The following CEP57 variants were observed in gnomAD, a reference collection of about 807,000 sequenced individuals.
The protein encoded by CEP57 is centrosomal protein of 57 kDa.
A neutral mutation model predicts 68.0 loss-of-function variants in CEP57; 40 were observed. That is an observed-to-expected ratio of 0.59 (90% CI 0.46 to 0.77). The LOEUF (loss-of-function observed/expected upper bound fraction) is 0.77. Ranked by LOEUF, CEP57 falls within the 30% of genes least tolerant of loss-of-function variation. The pLI, the probability that CEP57 is intolerant of heterozygous loss-of-function variation, is 0.00. For synonymous variants in CEP57, 219 were observed against 198.7 expected (o/e 1.10, Z -0.86); for missense variants, 606 against 580.7 (o/e 1.04, Z -0.45).
intron 6 of CEP57, among the ~76,000 whole-genome samples, chr11:95,819,943 T>C (rs1284759496): frequency 1.3e-5 from 2 of 152,256 alleles, no homozygotes; most frequent in African/African-American, 2.4e-5. Context: ...CTGAGTTATA[T>C]AGCCACATGG....
chr11:95,822,381 C>G (rs1590952300), intron 7 of CEP57, 118 bp from the exon 8 acceptor site: 1 of 758,542 alleles, frequency 1.3e-6, no homozygotes, highest in South Asian at 1.5e-5. Context: ...ATAATGCCAA[C>G]TATAGATAAG....
chr11:95,792,901 A>G (rs2135234768), intron 1 of CEP57, among the ~76,000 whole-genome samples: 1 of 151,344 alleles, frequency 6.6e-6, no homozygotes, highest in South Asian at 2.1e-4. Context: ...CAAACAGCTG[A>G]TCTTAACAGT....
intron 2 of CEP57, among the ~76,000 whole-genome samples, chr11:95,805,934 CAT>C (rs1448025068): frequency 9.2e-5 from 14 of 152,164 alleles, no homozygotes; most frequent in African/African-American, 3.4e-4. Context: ...CAAATGTAAA[CAT>C]ATGAAACTGT....
intron 10 of CEP57, 40 bp downstream of exon 10, chr11:95,829,371 GAAA>G: frequency 4.2e-6 from 6 of 1,434,076 alleles, no homozygotes; most frequent in Non-Finnish European, 5.7e-6. Flanking sequence ...TAATGATTAA[GAAA>G]AAAAAAACAC....
At chr11:95,813,371 T>C in intron 3 of CEP57, 97 bp from the exon 4 acceptor site, 2 of 1,459,900 alleles carry the variant, frequency 1.4e-6, no homozygotes, top group Non-Finnish European at 1.9e-6. Context: ...GGAAGGTGTT[T>C]TTATTGTATA....
intron 5 of CEP57, 79 bp from the exon 6 acceptor site, chr11:95,818,748 G>T: frequency 9.3e-7 from 1 of 1,073,180 alleles, no homozygotes; most frequent in Non-Finnish European, 1.4e-6. Flanking sequence ...AAATTTACAT[G>T]TTCCAGTGCT....
intron 4 of CEP57, chr11:95,815,015 A>C (rs1210598769): frequency 1.3e-5 from 2 of 152,242 alleles, no homozygotes; most frequent in Admixed American, 1.3e-4. Flanking sequence ...TAGTTGCTGT[A>C]CTATATTGTT....
At chr11:95,804,653 T>G (rs1861717367) in intron 2 of CEP57, among the ~76,000 whole-genome samples, 1 of 152,200 alleles carries the variant, frequency 6.6e-6, no homozygotes, top group Non-Finnish European at 1.5e-5. Flanking sequence ...ATGTGCTTAC[T>G]GAGGTGCATA....
intron 10 of CEP57, 120 bp from the exon 11 acceptor site, chr11:95,830,906 T>C (rs1862970976): frequency 1.4e-5 from 9 of 663,308 alleles, no homozygotes; most frequent in Admixed American, 2.7e-5. Flanking sequence ...CTAGAATGTA[T>C]TATTTTTCAG....
chr11:95,826,751 CAT>C (rs1229151690), intron 8 of CEP57: 1 of 152,132 alleles, frequency 6.6e-6, no homozygotes, highest in African/African-American at 2.4e-5. Flanking sequence ...AAAGTGTACT[CAT>C]AGGCAATTAG....
At chr11:95,829,582 T>G (rs2135379901) in intron 10 of CEP57, among the ~76,000 whole-genome samples, 1 of 152,366 alleles carries the variant, frequency 6.6e-6, no homozygotes, top group Non-Finnish European at 1.5e-5. Flanking sequence ...ATGAATAAGC[T>G]TTAACTTCTT....
Position 95,832,426 on chromosome 11 carries a change from G to A in CEP57, c.*1170G>A, listed in dbSNP as rs1040799483. 1.4e-5 allele frequency: 2 copies of A among 145,454 alleles called. No homozygotes were observed. The highest frequency in any genetic ancestry group is 4.9e-5 in the African/African-American group (2 of 41,048). 9.0% of individuals were successfully genotyped at this position (145,454 alleles called of 1,614,324 possible). A position where few individuals can be genotyped will look rare whatever the true frequency, so the allele number is the denominator to read the frequency against. The stretch of plus-strand genomic sequence containing the variant: ...ATGATACAAGATACTACAGTAACAG[G>A]CTTTAATTTAGGATCCTTAAGATTT... On this transcript the variant is annotated 3_prime_UTR_variant, in exon 11 of 11. Transcript: ENST00000325542.
chr11:95,831,139 G>A lies in CEP57; in HGVS notation c.1386G>A (p.Lys462=). ...SRSGITGTTN[K]KDFMKLRPGE... is the part of the protein sequence containing the mutation. ...CTGGAATCACAGGGACCACAAATAA[G>A]AAAGATTTTATGAAACTGAGACCTG... The change falls in exon 11 of 11, where the codon AAG becomes AAA. Residue 462 remains lysine, a synonymous_variant. Coordinates refer to ENST00000325542, the MANE Select transcript of CEP57 (RefSeq NM_014679.5). 3 of 1,613,392 alleles carry A rather than the reference G, an allele frequency of 1.9e-6. No individual in the cohort carries two copies. Among genetic ancestry groups the A allele is most frequent in the Non-Finnish European group, 2.5e-6 (3 of 1,179,554 alleles).
At chr11:95,826,165 C>T (rs117635750) in intron 8 of CEP57, 2,592 of 152,314 alleles carry the variant, frequency 0.017, 38 homozygotes, top group South Asian at 0.063. Context: ...GCCTACTCAA[C>T]AGTGAAGATA....
chr11:95,827,885 A>G lies in CEP57; in HGVS notation c.985A>G (p.Ser329Gly), dbSNP rs193213400. Residue 329 changes from serine (S) to glycine (G), a missense_variant, in exon 9 of 11, where the codon AGT becomes GGT. Ser to Gly is a moderately conservative substitution (Grantham distance 56, BLOSUM62 0). Transcript: ENST00000325542. Reference protein sequence around the residue: ...KALCNDRVINSIPLAKQVSSR... With the variant: ...KALCNDRVINGIPLAKQVSSR... ...TTTGTGCAATGATCGAGTCATCAACAGTATTCCTTTGGCAAAGCAAGTATC... is the reference window on the plus strand; with the variant it reads ...TTTGTGCAATGATCGAGTCATCAACGGTATTCCTTTGGCAAAGCAAGTATC... The G allele has an allele frequency of 4.1e-5, 66 of 1,614,194 alleles. No homozygotes were observed. The East Asian group carries it at 1.4e-3, about 33-fold the overall frequency.
chr11:95,819,390 G>C (rs1050889753), intron 6 of CEP57, among the ~76,000 whole-genome samples: 1 of 152,108 alleles, frequency 6.6e-6, no homozygotes, highest in Non-Finnish European at 1.5e-5. Context: ...TCCTACTTTT[G>C]GATTTTATCC....
intron 6 of CEP57, among the ~76,000 whole-genome samples, chr11:95,820,626 T>C (rs1862482817): frequency 6.6e-6 from 1 of 150,526 alleles, no homozygotes; most frequent in East Asian, 1.9e-4. Flanking sequence ...ATCTTGGTGT[T>C]GGTGTGATCA....
At position 95,812,498 on chromosome 11, in the gene CEP57, A is replaced by T. The variant is rs572696066; in HGVS notation, c.203-434A>T. ...GAGTGCAATGGTGCGATCTCAGCTCACTGCAACCTCCACCCCTCCACACTC... is the reference window on the plus strand; with the variant it reads ...GAGTGCAATGGTGCGATCTCAGCTCTCTGCAACCTCCACCCCTCCACACTC... On this transcript the variant is annotated intron_variant, in intron 2 of 10. Coordinates refer to ENST00000325542, the MANE Select transcript of CEP57 (RefSeq NM_014679.5). Among the ~76,000 whole-genome samples the T allele has an allele frequency of 3.3e-5, 5 of 152,120 alleles. No individual in the cohort carries two copies. The East Asian group carries it at 9.7e-4, about 29-fold the overall frequency.
chr11:95,824,866 G>A (rs1237486535), intron 8 of CEP57, among the ~76,000 whole-genome samples: 1 of 152,136 alleles, frequency 6.6e-6, no homozygotes, highest in African/African-American at 2.4e-5. Context: ...CAGTCTTTGG[G>A]TTTACAACAA....
Sources: allele counts gnomAD v4.1 joint callset (sites outside exome capture counted in the v4.1 genomes callset), GRCh38; gene constraint gnomAD v4.1.1; transcripts MANE v1.5; gene names NCBI Gene and HGNC (gene_info 2026-07-23, HGNC 2026-07-21).